Variants in RGS9 observed in about 807,000 individuals in gnomAD.
RGS9 encodes the protein regulator of G-protein signalling 9.
In RGS9, 78 loss-of-function variants were observed where a neutral mutation model predicts 102.0. That is an observed-to-expected ratio of 0.76 (90% confidence interval 0.64 to 0.92). The LOEUF (loss-of-function observed/expected upper bound fraction) is 0.92, where lower values mean the gene tolerates loss of function less well. RGS9 is among the 40% of genes least tolerant of loss of function. RGS9 has a pLI of 0.00. For missense variants in RGS9, 833 were observed against 866.1 expected (o/e 0.96, Z 0.48); for synonymous variants, 353 against 318.6 (o/e 1.11, Z -1.15).
chr17:65,181,729 G>A (rs1911893473), intron 9 of RGS9, among the ~76,000 whole-genome samples: 1 of 152,228 alleles, frequency 6.6e-6, no homozygotes, highest in East Asian at 1.9e-4. Flanking sequence ...CCCCAGCTCT[G>A]CCACTTCCGG....
chr17:65,198,465 AG>A (rs939146617), intron 13 of RGS9, among the ~76,000 whole-genome samples: 1 of 152,184 alleles, frequency 6.6e-6, no homozygotes, highest in Non-Finnish European at 1.5e-5. Flanking sequence ...CATGTTGGCC[AG>A]GCTGGTCTCG....
intron 3 of RGS9, chr17:65,158,898 T>C (rs1299236888): frequency 4.1e-6 from 1 of 242,218 alleles, no homozygotes; most frequent in African/African-American, 2.2e-5. Flanking sequence ...TGCCTCGCAG[T>C]GTCAGGCCTC....
Position 65,209,659 on chromosome 17 carries a change from A to T in RGS9, c.1290-829A>T, listed in dbSNP as rs114310315. On this transcript the variant is annotated intron_variant, in intron 16 of 18. Transcript: ENST00000262406. ...TCTGGCATGTGTCAAGATATTGCAC[A>T]TGAGCAGGGTACCACCAGCCCACCA... Among the ~76,000 whole-genome samples, 327 of 152,322 alleles carry T rather than the reference A, an allele frequency of 2.1e-3. 1 individual carries two copies. Among genetic ancestry groups the T allele is most frequent in the African/African-American group, 7.4e-3 (309 of 41,572 alleles).
At chr17:65,206,148 T>C (rs1406327507) in intron 15 of RGS9, among the ~76,000 whole-genome samples, 1 of 152,236 alleles carries the variant, frequency 6.6e-6, no homozygotes, top group Non-Finnish European at 1.5e-5. Context: ...ATATTTCTTC[T>C]ATTTAGTCTT....
At position 65,177,791 on chromosome 17, in the gene RGS9, C is replaced by G. The variant is rs762646805; in HGVS notation, c.642C>G (p.Val214=). ...ACCGAGTGACCAATCCGAATGAAGT[C>G]AAGGTAAACCAGGTATGTCTCTGCT... ...GLDRVTNPNE[V]KVNQKQTVVA... is the part of the protein sequence containing the mutation. The change falls in exon 9 of 19, where the codon GTC becomes GTG. Residue 214 remains valine, a synonymous_variant. Coordinates refer to ENST00000262406, the MANE Select transcript of RGS9 (RefSeq NM_003835.4). 117 of 1,613,930 alleles carry G rather than the reference C, an allele frequency of 7.2e-5. No homozygotes were observed. Among genetic ancestry groups the G allele is most frequent in the Middle Eastern group, 4.9e-4 (3 of 6,084 alleles).
intron 9 of RGS9, among the ~76,000 whole-genome samples, chr17:65,185,013 G>A (rs1247921096): frequency 2.0e-5 from 3 of 151,994 alleles, no homozygotes; most frequent in African/African-American, 7.3e-5. Flanking sequence ...TGGGACCACA[G>A]GCATGTACCA....
chr17:65,197,065 C>T, intron 12 of RGS9, 61 bp from the exon 13 acceptor site: 1 of 1,236,150 alleles, frequency 8.1e-7, no homozygotes, highest in Non-Finnish European at 1.2e-6. Context: ...CTCACCCCAA[C>T]CCAGGCCACC....
In RGS9 at chr17:65,225,029, C is replaced by A; in HGVS notation, c.1435C>A (p.His479Asn). 1 of 1,614,056 alleles carries A rather than the reference C, an allele frequency of 6.2e-7. No homozygotes were observed. The highest frequency in any genetic ancestry group is 8.5e-7 in the Non-Finnish European group (1 of 1,180,012). ...QPGQHMAPSPHLTVYTGTCMP... is the reference protein window; with the variant it reads ...QPGQHMAPSPNLTVYTGTCMP... ...GGGCCAGCACATGGCTCCCAGCCCCCATCTGACCGTGTACACCGGGACCTG... is the reference window on the plus strand; with the variant it reads ...GGGCCAGCACATGGCTCCCAGCCCCAATCTGACCGTGTACACCGGGACCTG... Residue 479 changes from histidine (H) to asparagine (N), a missense_variant, in exon 18 of 19, where the codon CAT becomes AAT. Coordinates refer to ENST00000262406, the MANE Select transcript of RGS9 (RefSeq NM_003835.4).
At chr17:65,163,891 A>G (rs1040853998) in intron 7 of RGS9, among the ~76,000 whole-genome samples, 1 of 152,190 alleles carries the variant, frequency 6.6e-6, no homozygotes. Context: ...GGATCGTGAG[A>G]GGGCTTTGTG....
At chr17:65,209,720 C>T (rs16961273) in intron 16 of RGS9, among the ~76,000 whole-genome samples, 32,306 of 152,126 alleles carry the variant, frequency 0.21, 5,407 homozygotes, top group African/African-American at 0.47. Flanking sequence ...TCTCTGTTCA[C>T]TGGGGCCTAG....
intron 9 of RGS9, among the ~76,000 whole-genome samples, chr17:65,188,173 C>T (rs569926011): frequency 1.3e-4 from 20 of 152,114 alleles, no homozygotes; most frequent in African/African-American, 4.8e-4. Context: ...GGAAGCACGG[C>T]CCACTGCAAT....
intron 1 of RGS9, among the ~76,000 whole-genome samples, chr17:65,150,140 GT>G (rs1212821824): frequency 8.5e-5 from 13 of 152,304 alleles, no homozygotes; most frequent in African/African-American, 2.9e-4. Flanking sequence ...CCACGTTGAT[GT>G]CCAGCTGCAC....
intron 12 of RGS9, among the ~76,000 whole-genome samples, chr17:65,194,082 G>T (rs1912487918): frequency 6.6e-6 from 1 of 152,134 alleles, no homozygotes; most frequent in Non-Finnish European, 1.5e-5. Context: ...AAGAGGACAG[G>T]CTGGTCAGTT....
rs151161945 is a variant in RGS9, at chr17:65,181,493, C to A, written c.654+3690C>A. 4.6e-3 allele frequency among the ~76,000 whole-genome samples: 696 copies of A among 152,358 alleles called. 6 individuals are homozygous for A. The highest frequency in any genetic ancestry group is 0.016 in the African/African-American group (677 of 41,578). Reference sequence around the variant, plus strand: ...GGCAGGTGTCTCGGGCCCTGGGTGGCCCACTCCCACTGGCTAATGGCAGCT... The same window carrying A: ...GGCAGGTGTCTCGGGCCCTGGGTGGACCACTCCCACTGGCTAATGGCAGCT... On this transcript the variant is annotated intron_variant, in intron 9 of 18. Transcript: ENST00000262406.
chr17:65,185,087 CT>C (rs1912058893), intron 9 of RGS9, among the ~76,000 whole-genome samples: 1 of 152,132 alleles, frequency 6.6e-6, no homozygotes, highest in South Asian at 2.1e-4. Flanking sequence ...GTCTCTTCAC[CT>C]TTTAAAAAGT....
intron 12 of RGS9, among the ~76,000 whole-genome samples, chr17:65,195,404 G>GA (rs922127924): frequency 6.6e-6 from 1 of 152,120 alleles, no homozygotes; most frequent in Non-Finnish European, 1.5e-5. Context: ...ATTAAAGTGG[G>GA]AAGCCCTGTT....
rs777444026 is a variant in RGS9 at position 65,168,158 on chromosome 17, A to C, written c.501-42A>C. On this transcript the variant is annotated intron_variant, in intron 7 of 18. Coordinates refer to ENST00000262406, the MANE Select transcript of RGS9 (RefSeq NM_003835.4). ...TGAGGGGCATCACTAATCAAAAGAC[A>C]CAAAGTCTTCCTGGCCTTACACGTG... 3 of 1,419,420 alleles carry C rather than the reference A, an allele frequency of 2.1e-6. No individual in the cohort carries two copies. In the African/African-American group the frequency reaches 4.2e-5, roughly 20 times the overall value. The allele number at this position is 1,419,420 out of a possible 1,614,324, so 87.9% of individuals were successfully genotyped here.
At chr17:65,188,733 C>T (rs920625105) in intron 9 of RGS9, 8 of 164,470 alleles carry the variant, frequency 4.9e-5, no homozygotes, top group African/African-American at 1.7e-4. Flanking sequence ...TCACCTCAGC[C>T]TCCCAAGTAG....
rs757109370 is a variant in RGS9, at chr17:65,193,536, T to C, written c.747-7T>C. Reference sequence around the variant, plus strand: ...TTCTAGGAAATCATTTTCTGTTTCCTTTTCAGGATTGTGAAATACAGTGAG... The same window carrying C: ...TTCTAGGAAATCATTTTCTGTTTCCCTTTCAGGATTGTGAAATACAGTGAG... On this transcript the variant is annotated splice_region_variant and splice_polypyrimidine_tract_variant and intron_variant, in intron 11 of 18. Transcript: ENST00000262406. 1.9e-6 allele frequency: 3 copies of C among 1,589,436 alleles called. No individual in the cohort carries two copies. The East Asian group carries it at 6.7e-5, about 36-fold the overall frequency.
Sources: allele counts gnomAD v4.1 joint callset (sites outside exome capture counted in the v4.1 genomes callset), GRCh38; gene constraint gnomAD v4.1.1; transcripts MANE v1.5; gene names NCBI Gene and HGNC (gene_info 2026-07-23, HGNC 2026-07-21).